Variants in FGD2 observed in about 807,000 individuals in gnomAD.
FGD2 encodes the protein FYVE, RhoGEF and PH domain-containing protein 2.
Under a neutral mutation model 75.9 loss-of-function variants are expected in FGD2, and 52 were observed. The observed-to-expected ratio is 0.69, with a 90% CI of 0.55 to 0.86. FGD2 has a LOEUF of 0.86. Among genes scored for constraint, FGD2 ranks in the 40% least tolerant of loss-of-function variants. The pLI is 0.00. For synonymous variants in FGD2, 347 were observed against 348.6 expected (o/e 1.00, Z 0.05); for missense variants, 790 against 872.0 (o/e 0.91, Z 1.18).
intron 4 of FGD2, among the ~76,000 whole-genome samples, chr6:37,012,850 G>T (rs1561928995): frequency 6.6e-6 from 1 of 151,400 alleles, no homozygotes; most frequent in Non-Finnish European, 1.5e-5. Flanking sequence ...CAGCTAGCAT[G>T]ATTTGTGCAT....
At chr6:37,023,802 G>A (rs544404522) in intron 13 of FGD2, 24 of 152,338 alleles carry the variant, frequency 1.6e-4, no homozygotes, top group Admixed American at 5.9e-4. Context: ...GTAAATAAGA[G>A]TTGAATTGAT....
intron 3 of FGD2, 110 bp from the exon 4 acceptor site, chr6:37,011,596 A>G: frequency 6.9e-7 from 1 of 1,449,764 alleles, no homozygotes; most frequent in Non-Finnish European, 9.5e-7. Context: ...ATGCCGGGAG[A>G]TCAGGGAGGT....
At chr6:37,015,905 G>T (rs769839868) in intron 9 of FGD2, 45 bp downstream of exon 9, 5 of 1,522,720 alleles carry the variant, frequency 3.3e-6, no homozygotes, top group South Asian at 1.2e-5. Context: ...TCAAGGGTAG[G>T]ACTGAGTACA....
At chr6:37,017,767 G>GC (rs78744458) in intron 9 of FGD2, among the ~76,000 whole-genome samples, 11,770 of 152,196 alleles carry the variant, frequency 0.077, 865 homozygotes, top group East Asian at 0.41. Context: ...ACCCTCTAGA[G>GC]CCCCTGGGGC....
At chr6:37,027,146 A>G (rs565822500) in intron 14 of FGD2, among the ~76,000 whole-genome samples, 4 of 152,098 alleles carry the variant, frequency 2.6e-5, no homozygotes, top group Admixed American at 2.0e-4. Flanking sequence ...TCAGGGCCCA[A>G]TTCTGTTTCC....
chr6:37,017,026 A>G (rs1765332501), intron 9 of FGD2, among the ~76,000 whole-genome samples: 2 of 151,988 alleles, frequency 1.3e-5, no homozygotes, highest in Admixed American at 6.5e-5. Flanking sequence ...CGCCTAGCAA[A>G]CCAATAACAT....
At position 37,028,310 on chromosome 6, in the gene FGD2, C is replaced by T. The variant is rs1765929532; in HGVS notation, c.*147C>T. 7 of 730,934 alleles carry T rather than the reference C, an allele frequency of 9.6e-6. No homozygotes were observed. The highest frequency in any genetic ancestry group is 3.0e-5 in the Admixed American group (1 of 33,296). 45.3% of individuals were successfully genotyped at this position (730,934 alleles called of 1,614,324 possible). A position where few individuals can be genotyped will look rare whatever the true frequency, so the allele number is the denominator to read the frequency against. On this transcript the variant is annotated 3_prime_UTR_variant, in exon 16 of 16. Transcript: ENST00000274963. ...CCATCTGCGCCCAGGCCACGTGTCCCGATCTGGGATTAGAAAATATGGGTC... is the reference window on the plus strand; with the variant it reads ...CCATCTGCGCCCAGGCCACGTGTCCTGATCTGGGATTAGAAAATATGGGTC...
chr6:37,013,511 T>G, intron 4 of FGD2, 98 bp from the exon 5 acceptor site: 1 of 1,516,466 alleles, frequency 6.6e-7, no homozygotes, highest in Non-Finnish European at 8.8e-7. Context: ...CGTGGAAAGT[T>G]TGCTTTGGGG....
intron 9 of FGD2, 86 bp from the exon 10 acceptor site, chr6:37,020,455 C>A: frequency 7.7e-7 from 1 of 1,301,526 alleles, no homozygotes; most frequent in Non-Finnish European, 1.1e-6. Flanking sequence ...CCCTTGGGCA[C>A]AATCCACCTC....
intron 1 of FGD2, among the ~76,000 whole-genome samples, chr6:37,006,517 G>A (rs1764760439): frequency 6.6e-6 from 1 of 152,178 alleles, no homozygotes; most frequent in Non-Finnish European, 1.5e-5. Flanking sequence ...AGTGCTTTAA[G>A]TATCTGGGGC....
rs1389692163 is a variant in FGD2, at chr6:37,009,148, C to T, written c.300+83C>T. On this transcript the variant is annotated intron_variant, in intron 2 of 15. Transcript: ENST00000274963. ...TCCCCTCCACACATGCTTTCCTAGC[C>T]AGAGCCAGCAGTTCCCCAGGTGGGG... 2.3e-6 allele frequency: 3 copies of T among 1,326,484 alleles called. No homozygotes were observed. In the East Asian group the frequency reaches 7.5e-5, roughly 33 times the overall value. The allele number at this position is 1,326,484 out of a possible 1,614,324, so 82.2% of individuals were successfully genotyped here.
rs758454934 is a variant in FGD2 at position 37,013,695 on chromosome 6, G to A, written c.614G>A (p.Arg205Gln). ...MYSEYVKNFE[R>Q]AAELLATWTD... ...AGTGAGTATGTCAAGAACTTTGAGC[G>A]AGCGGCTGAGCTGCTGGCCACCTGG... The change falls in exon 5 of 16, where the codon CGA (arginine) becomes CAA (glutamine). Residue 205 changes from arginine to glutamine, a missense_variant. Arg to Gln is a conservative substitution (Grantham distance 43). Transcript: ENST00000274963. 33 of 1,613,944 alleles carry A rather than the reference G, an allele frequency of 2.0e-5. No homozygotes were observed. The highest frequency in any genetic ancestry group is 3.3e-5 in the Admixed American group (2 of 59,992).
chr6:37,027,021 G>T (rs1765858365), intron 14 of FGD2, among the ~76,000 whole-genome samples: 2 of 150,770 alleles, frequency 1.3e-5, no homozygotes, highest in Admixed American at 6.6e-5. Context: ...AAAAAAAAAA[G>T]TTGGCCTTTT....
In FGD2 at chr6:37,028,229, C is replaced by G. The variant is rs186624467; in HGVS notation, c.*66C>G. On this transcript the variant is annotated 3_prime_UTR_variant, in exon 16 of 16. Coordinates refer to ENST00000274963, the MANE Select transcript of FGD2 (RefSeq NM_173558.4). ...GAACCCAGCTCCTGCCACAGACTGACCCTGTGGCCTCAGTGACCCACTGCC... is the reference window on the plus strand; with the variant it reads ...GAACCCAGCTCCTGCCACAGACTGAGCCTGTGGCCTCAGTGACCCACTGCC... 8,638 of 1,391,820 alleles carry G rather than the reference C, an allele frequency of 6.2e-3. 41 individuals carry two copies. The highest frequency in any genetic ancestry group is 7.3e-3 in the Non-Finnish European group (7,706 of 1,053,308). The allele number at this position is 1,391,820 out of a possible 1,614,324, so 86.2% of individuals were successfully genotyped here.
chr6:37,017,913 T>C (rs1387686910), intron 9 of FGD2, among the ~76,000 whole-genome samples: 1 of 152,166 alleles, frequency 6.6e-6, no homozygotes, highest in Non-Finnish European at 1.5e-5. Flanking sequence ...GGTTCACAGC[T>C]CACCCCGACA....
Position 37,022,321 on chromosome 6 carries a change from C to T in FGD2, c.1409C>T (p.Pro470Leu). The T allele has an allele frequency of 6.3e-7, 1 of 1,589,434 alleles. No homozygotes were observed. The highest frequency in any genetic ancestry group is 8.5e-7 in the Non-Finnish European group (1 of 1,170,082). Residue 470 changes from proline (P) to leucine (L), a missense_variant, in exon 13 of 16, where the codon CCC becomes CTC. Transcript: ENST00000274963. The stretch of plus-strand genomic sequence containing the variant: ...ACCATGTGCATGCGCTGCCAGGAGC[C>T]CTTCAACGCTCTGACGCGCCGTCGC... The part of the protein sequence containing the change: ...MVTMCMRCQE[P>L]FNALTRRRHH...
chr6:37,011,208 G>A, intron 3 of FGD2, 158 bp downstream of exon 3: 1 of 689,068 alleles, frequency 1.5e-6, no homozygotes, highest in Non-Finnish European at 2.5e-6. Flanking sequence ...TGGGGTTGGG[G>A]TAGAATCAGG....
intron 1 of FGD2, among the ~76,000 whole-genome samples, chr6:37,008,486 CA>C: frequency 6.6e-6 from 1 of 152,236 alleles, no homozygotes; most frequent in African/African-American, 2.4e-5. Flanking sequence ...AAACTGAAAA[CA>C]GAGGTGAGGT....
chr6:37,021,052 AT>A (rs1561938754), intron 11 of FGD2, among the ~76,000 whole-genome samples: 2 of 150,038 alleles, frequency 1.3e-5, no homozygotes, highest in South Asian at 4.2e-4. Context: ...GTTTGTGTGC[AT>A]GCATGTGTGC....
Sources: gnomAD v4.1 joint callset for allele counts (sites outside exome capture counted in the v4.1 genomes callset) on GRCh38, gnomAD v4.1.1 for gene constraint, MANE v1.5 for transcripts, NCBI Gene and HGNC (gene_info 2026-07-23, HGNC 2026-07-21) for gene names.